The following SGCZ variants were observed in gnomAD, a reference collection of about 807,000 sequenced individuals.
SGCZ encodes the protein zeta-sarcoglycan.
In SGCZ, 40 loss-of-function variants were observed where a neutral mutation model predicts 41.3. That is an observed-to-expected ratio of 0.97 (90% CI 0.75 to 1.26). The LOEUF (loss-of-function observed/expected upper bound fraction) is 1.26. Ranked by LOEUF, SGCZ falls within the 50% of genes most tolerant of loss-of-function variation. The probability of loss-of-function intolerance (pLI) is 0.00; values close to 1 mark genes in which losing one functional copy is unlikely to be tolerated. For synonymous variants in SGCZ, 206 were observed against 137.5 expected (o/e 1.50, Z -3.49); for missense variants, 552 against 369.8 (o/e 1.49, Z -4.04).
chr8:14,609,740 A>G (rs1805865941), intron 1 of SGCZ, among the ~76,000 whole-genome samples: 1 of 152,328 alleles, frequency 6.6e-6, no homozygotes, highest in South Asian at 2.1e-4. Flanking sequence ...ACCTGAGCTG[A>G]TAAAGGTGCT....
chr8:14,156,829 T>C (rs1386414101), intron 5 of SGCZ, among the ~76,000 whole-genome samples: 1 of 152,154 alleles, frequency 6.6e-6, no homozygotes, highest in Admixed American at 6.5e-5. Flanking sequence ...CTTGAAGGTC[T>C]TCAGAGACAA....
intron 3 of SGCZ, among the ~76,000 whole-genome samples, chr8:14,250,672 T>C (rs1381660740): frequency 6.6e-6 from 1 of 152,150 alleles, no homozygotes; most frequent in Non-Finnish European, 1.5e-5. Flanking sequence ...ATAATTTTTG[T>C]ATTTGAGTTA....
At position 14,110,292 on chromosome 8, in the gene SGCZ, T is replaced by C. The variant is rs79342645; in HGVS notation, c.548-2057A>G. ...AAAATTAATTTTTAAACTTTGCACA[T>C]GGATAACTATTTCATGATTATGAAA... On this transcript the variant is annotated intron_variant, in intron 5 of 7. Coordinates refer to ENST00000382080, the MANE Select transcript of SGCZ (RefSeq NM_139167.4). 6.6e-4 allele frequency among the ~76,000 whole-genome samples: 101 copies of C among 152,294 alleles called. 3 individuals carry two copies. The East Asian group carries it at 0.015, about 23-fold the overall frequency.
chr8:15,076,831 C>A (rs1291030280), intron 1 of SGCZ, among the ~76,000 whole-genome samples: 2 of 148,330 alleles, frequency 1.3e-5, no homozygotes, highest in Non-Finnish European at 3.0e-5. Flanking sequence ...TTACTATTCT[C>A]TTCTGTCTCA....
intron 2 of SGCZ, among the ~76,000 whole-genome samples, chr8:14,516,676 A>T (rs10106919): frequency 0.072 from 10,998 of 152,016 alleles, 606 homozygotes; most frequent in African/African-American, 0.16. Context: ...ATTTGCTCTA[A>T]CTGTTTTTCA....
chr8:14,170,358 A>C (rs924736147), intron 4 of SGCZ, among the ~76,000 whole-genome samples: 3 of 152,110 alleles, frequency 2.0e-5, no homozygotes, highest in Admixed American at 6.5e-5. Context: ...TTCAAACCTG[A>C]TCTTAATGGC....
intron 1 of SGCZ, among the ~76,000 whole-genome samples, chr8:14,766,955 G>T (rs961702531): frequency 2.6e-5 from 4 of 151,982 alleles, no homozygotes; most frequent in African/African-American, 9.7e-5. Context: ...AAGCCTAATA[G>T]AAACTAAATG....
intron 3 of SGCZ, among the ~76,000 whole-genome samples, chr8:14,277,201 G>A (rs1225690603): frequency 6.6e-6 from 1 of 152,096 alleles, no homozygotes; most frequent in East Asian, 1.9e-4. Flanking sequence ...AATATGACAT[G>A]TGCCAATGTC....
intron 3 of SGCZ, among the ~76,000 whole-genome samples, chr8:14,281,151 G>C (rs891464371): frequency 6.6e-6 from 1 of 151,644 alleles, no homozygotes; most frequent in African/African-American, 2.4e-5. Flanking sequence ...TTAAAAAAAT[G>C]AATGAATTCA....
At chr8:14,725,061 C>G (rs1810006947) in intron 1 of SGCZ, among the ~76,000 whole-genome samples, 1 of 152,080 alleles carries the variant, frequency 6.6e-6, no homozygotes, top group Non-Finnish European at 1.5e-5. Flanking sequence ...ATGAGGTCAA[C>G]TTTTTTAGCT....
rs1440830503 is a variant in SGCZ at position 14,324,133 on chromosome 8, T to C, written c.306A>G (p.Pro102=). Residue 102 remains proline (P), a synonymous_variant, in exon 3 of 8, where the codon CCA becomes CCG. Coordinates refer to ENST00000382080, the MANE Select transcript of SGCZ (RefSeq NM_139167.4). ...GAGAATGAATTTCTTTCACATACAA[T>C]GGAAGTAGAAACTCAGATATACCTT... The part of the protein sequence containing the change: ...RLEGISEFLL[P]LYVKEIHSRK... 1 of 1,612,812 alleles carries C rather than the reference T, an allele frequency of 6.2e-7. No homozygotes were observed. Among genetic ancestry groups the C allele is most frequent in the Admixed American group, 1.7e-5 (1 of 59,964 alleles).
At chr8:14,098,540 G>C (rs978169089) in intron 7 of SGCZ, among the ~76,000 whole-genome samples, 1 of 152,132 alleles carries the variant, frequency 6.6e-6, no homozygotes, top group Non-Finnish European at 1.5e-5. Context: ...CTTTTCAGGA[G>C]CTAGCATGTG....
intron 1 of SGCZ, among the ~76,000 whole-genome samples, chr8:14,612,709 A>G (rs1479536435): frequency 6.6e-6 from 1 of 151,800 alleles, no homozygotes; most frequent in Non-Finnish European, 1.5e-5. Context: ...GTTTTTTTAA[A>G]AGACTCTCAC....
intron 1 of SGCZ, among the ~76,000 whole-genome samples, chr8:14,968,107 C>T (rs1462724647): frequency 6.6e-6 from 1 of 152,118 alleles, no homozygotes; most frequent in Non-Finnish European, 1.5e-5. Flanking sequence ...TTTGGTGTCT[C>T]ATCAGATTGG....
At chr8:15,059,002 G>A (rs1256776767) in intron 1 of SGCZ, among the ~76,000 whole-genome samples, 1 of 151,642 alleles carries the variant, frequency 6.6e-6, no homozygotes, top group African/African-American at 2.4e-5. Context: ...TGTCTCTCTG[G>A]GTCACATTTT....
At chr8:14,436,069 G>C (rs766213472) in intron 2 of SGCZ, among the ~76,000 whole-genome samples, 1 of 152,214 alleles carries the variant, frequency 6.6e-6, no homozygotes, top group Non-Finnish European at 1.5e-5. Flanking sequence ...GATGAGAGAT[G>C]TGGCGTTGGA....
intron 1 of SGCZ, among the ~76,000 whole-genome samples, chr8:14,716,998 AG>A (rs1183549869): frequency 1.3e-5 from 2 of 152,152 alleles, no homozygotes; most frequent in Non-Finnish European, 2.9e-5. Flanking sequence ...GGGACAAAAA[AG>A]CATGAAAGGT....
intron 3 of SGCZ, among the ~76,000 whole-genome samples, chr8:14,282,921 C>G (rs1800497691): frequency 7.5e-6 from 1 of 133,962 alleles, no homozygotes; most frequent in Admixed American, 8.8e-5. Flanking sequence ...GCGATCTCAG[C>G]TCACTGCAAG....
intron 3 of SGCZ, among the ~76,000 whole-genome samples, chr8:14,307,014 G>A (rs73666516): frequency 3.3e-5 from 5 of 152,078 alleles, no homozygotes; most frequent in Non-Finnish European, 7.4e-5. Flanking sequence ...AATTGAAGGA[G>A]AATATTTGCA....
Sources: gnomAD v4.1 joint callset for allele counts (sites outside exome capture counted in the v4.1 genomes callset) on GRCh38, gnomAD v4.1.1 for gene constraint, MANE v1.5 for transcripts, NCBI Gene and HGNC (gene_info 2026-07-23, HGNC 2026-07-21) for gene names.